Variants in NUB1 observed in about 807,000 individuals in gnomAD.
NUB1 encodes the protein negative regulator of ubiquitin like proteins 1.
Under a neutral mutation model 77.1 loss-of-function variants are expected in NUB1, and 41 were observed. That is an observed-to-expected ratio of 0.53 (90% CI 0.41 to 0.69). The LOEUF is 0.69. Among genes scored for constraint, NUB1 ranks in the 30% least tolerant of loss-of-function variants. NUB1 has a pLI of 0.00. For synonymous variants in NUB1, 257 were observed against 281.0 expected (o/e 0.91, Z 0.85); for missense variants, 643 against 743.8 (o/e 0.86, Z 1.58).
intron 1 of NUB1, among the ~76,000 whole-genome samples, chr7:151,344,164 GA>G (rs1282218934): frequency 1.1e-5 from 1 of 94,198 alleles, no homozygotes; most frequent in Non-Finnish European, 2.0e-5. Context: ...CTGGGCGACA[GA>G]GTGAGACTCC....
intron 13 of NUB1, 119 bp downstream of exon 13, chr7:151,376,062 G>C (rs1334988509): frequency 1.4e-6 from 1 of 723,178 alleles, no homozygotes. Context: ...TGGCTCCCAG[G>C]CTCCAGGTGT....
intron 11 of NUB1, among the ~76,000 whole-genome samples, chr7:151,370,757 T>C (rs1309928293): frequency 7.0e-6 from 1 of 143,402 alleles, no homozygotes; most frequent in East Asian, 2.1e-4. Flanking sequence ...CGTGTTCTCA[T>C]TGTTCAATTC....
intron 11 of NUB1, among the ~76,000 whole-genome samples, chr7:151,369,375 T>C (rs1161234349): frequency 1.3e-5 from 2 of 152,208 alleles, no homozygotes; most frequent in Non-Finnish European, 2.9e-5. Context: ...TTTCCTGCTG[T>C]GGTGGCAAAC....
chr7:151,375,136 C>A (rs1423702389), intron 12 of NUB1, among the ~76,000 whole-genome samples: 1 of 152,162 alleles, frequency 6.6e-6, no homozygotes, highest in Non-Finnish European at 1.5e-5. Flanking sequence ...CCTGCCTTTG[C>A]CTCTTATCCC....
At chr7:151,373,913 C>G (rs1283874309) in intron 11 of NUB1, among the ~76,000 whole-genome samples, 184 bp from the exon 12 acceptor site, 1 of 149,334 alleles carries the variant, frequency 6.7e-6, no homozygotes, top group African/African-American at 2.6e-5. Context: ...CTTCCACCAC[C>G]CCTCTGCCTC....
intron 1 of NUB1, among the ~76,000 whole-genome samples, chr7:151,344,474 C>T (rs1362576570): frequency 6.6e-6 from 1 of 150,502 alleles, no homozygotes; most frequent in Non-Finnish European, 1.5e-5. Flanking sequence ...CCACGCCCGG[C>T]TAATTGTTCA....
chr7:151,367,004 G>T lies in NUB1; in HGVS notation c.866G>T (p.Trp289Leu). 1 of 1,613,722 alleles carries T rather than the reference G, an allele frequency of 6.2e-7. No homozygotes were observed. The highest frequency in any genetic ancestry group is 8.5e-7 in the Non-Finnish European group (1 of 1,179,710). ...GCCGTCCTCCAGCTGGATATAGTGT[G>T]GTGTTACTTCCGCCTGGAACAGCTG... ...NYAVLQLDIV[W>L]CYFRLEQLEC... is the part of the protein sequence containing the mutation. Residue 289 changes from tryptophan (W) to leucine (L), a missense_variant, in exon 9 of 15, where the codon TGG becomes TTG. Physicochemically the swap from Trp to Leu is moderately conservative, Grantham distance 61 (BLOSUM62 -2). Transcript: ENST00000568733.
rs1477860563 is a variant in NUB1, at chr7:151,349,141, A to G, written c.186A>G (p.Glu62=). The G allele has an allele frequency of 6.2e-7, 1 of 1,613,842 alleles. No individual in the cohort carries two copies. The highest frequency in any genetic ancestry group is 1.7e-4 in the Middle Eastern group (1 of 6,050). The change falls in exon 3 of 15, where the codon GAA becomes GAG. Residue 62 remains glutamate, a synonymous_variant. Transcript: ENST00000568733. ...ATGAAGTAGAAAAGGTAATAGAAGA[A>G]ATACGTTGCAAGGCAATTGAGCGTG... is the stretch of plus-strand genomic sequence containing the variant. ...CENEVEKVIE[E]IRCKAIERGT... is the part of the protein sequence containing the mutation.
intron 13 of NUB1, 125 bp downstream of exon 13, chr7:151,376,068 G>A (rs1394331100): frequency 1.4e-6 from 1 of 702,544 alleles, no homozygotes; most frequent in Non-Finnish European, 2.6e-6. Context: ...CCAGGCTCCA[G>A]GTGTAACCTG....
At chr7:151,349,667 C>T (rs1162152320) in intron 3 of NUB1, among the ~76,000 whole-genome samples, 4 of 152,210 alleles carry the variant, frequency 2.6e-5, no homozygotes, top group East Asian at 1.9e-4. Flanking sequence ...GGGTCACCTC[C>T]TCTCATTGCC....
chr7:151,363,537 G>A (rs909375479), intron 8 of NUB1, among the ~76,000 whole-genome samples: 1 of 151,492 alleles, frequency 6.6e-6, no homozygotes, highest in African/African-American at 2.4e-5. Flanking sequence ...GGAGTCCCTG[G>A]AAAGGCAGAC....
intron 1 of NUB1, among the ~76,000 whole-genome samples, chr7:151,342,908 C>T (rs1796280795): frequency 6.6e-6 from 1 of 152,154 alleles, no homozygotes; most frequent in African/African-American, 2.4e-5. Flanking sequence ...CTCCTGACCT[C>T]AGGTGATCCA....
At chr7:151,356,041 C>T (rs2150679241) in intron 6 of NUB1, 87 bp from the exon 7 acceptor site, 1 of 1,543,044 alleles carries the variant, frequency 6.5e-7, no homozygotes, top group Non-Finnish European at 9.0e-7. Flanking sequence ...CACTGAGTCT[C>T]ACCTCAACAG....
chr7:151,377,508 C>G lies in NUB1; in HGVS notation c.*283C>G. 4.3e-6 allele frequency: 1 copy of G among 233,700 alleles called. No homozygotes were observed. Among genetic ancestry groups the G allele is most frequent in the Non-Finnish European group, 8.3e-6 (1 of 119,886 alleles). The allele number at this position is 233,700 out of a possible 1,614,324, so 14.5% of individuals were successfully genotyped here. ...TGTTTTACCCCGAAACAGGAAGGAA[C>G]AGGGGTCCTGTAGAACAGGGGTCCT... On this transcript the variant is annotated 3_prime_UTR_variant, in exon 15 of 15. Coordinates refer to ENST00000568733, the MANE Select transcript of NUB1 (RefSeq NM_001243351.2).
chr7:151,368,382 TGACTTC>T (rs1228960779), intron 10 of NUB1, among the ~76,000 whole-genome samples: 1 of 152,174 alleles, frequency 6.6e-6, no homozygotes, highest in Non-Finnish European at 1.5e-5. Flanking sequence ...TGCATGCCAT[TGACTTC>T]GACTTCACTA....
chr7:151,367,410 A>G (rs1797743091), intron 9 of NUB1, among the ~76,000 whole-genome samples: 2 of 152,316 alleles, frequency 1.3e-5, no homozygotes, highest in Middle Eastern at 6.8e-3. Flanking sequence ...ACTTCTTTAT[A>G]TCGGTAGAGT....
intron 11 of NUB1, among the ~76,000 whole-genome samples, chr7:151,371,188 G>GCAA (rs141724967): frequency 6.6e-6 from 1 of 152,168 alleles, no homozygotes; most frequent in African/African-American, 2.4e-5. Flanking sequence ...TTGGCTGAAA[G>GCAA]CAACAACAAC....
chr7:151,350,630 CTAA>C (rs1343769560), intron 3 of NUB1, among the ~76,000 whole-genome samples: 1 of 152,208 alleles, frequency 6.6e-6, no homozygotes, highest in Non-Finnish European at 1.5e-5. Flanking sequence ...ATACTACAAA[CTAA>C]TAATGATATT....
At chr7:151,361,348 A>G (rs1180176494) in intron 8 of NUB1, 1 of 152,150 alleles carries the variant, frequency 6.6e-6, no homozygotes, top group African/African-American at 2.4e-5. Flanking sequence ...CAGTGCTTAA[A>G]TTGGTCATGC....
Sources: allele counts gnomAD v4.1 joint callset (sites outside exome capture counted in the v4.1 genomes callset), GRCh38; gene constraint gnomAD v4.1.1; transcripts MANE v1.5; gene names NCBI Gene and HGNC (gene_info 2026-07-23, HGNC 2026-07-21).